The following NXPH1 variants were observed in gnomAD, a reference collection of about 807,000 sequenced individuals.
NXPH1 encodes neurexophilin 1.
NXPH1 carries 5 observed loss-of-function variants against 23.7 expected under a neutral mutation model. The ratio of observed to expected loss-of-function variants is 0.21; its 90% CI spans 0.11 to 0.44. NXPH1 has a LOEUF of 0.44. NXPH1 is among the 20% of genes least tolerant of loss of function. NXPH1 has a pLI of 0.99. For missense variants in NXPH1, 324 were observed against 321.6 expected, an observed-to-expected ratio of 1.01 and a Z score of -0.06; for synonymous variants, 144 against 122.2, an observed-to-expected ratio of 1.18 and a Z score of -1.18.
At chr7:8,443,053 G>A (rs779677781) in intron 2 of NXPH1, among the ~76,000 whole-genome samples, 22 of 152,228 alleles carry the variant, frequency 1.4e-4, no homozygotes, top group Non-Finnish European at 2.2e-4. Flanking sequence ...TGCCGCTCCG[G>A]CTGGGTCCTT....
intron 2 of NXPH1, among the ~76,000 whole-genome samples, chr7:8,732,747 G>T (rs1039363936): frequency 6.6e-6 from 1 of 151,808 alleles, no homozygotes; most frequent in Non-Finnish European, 1.5e-5. Flanking sequence ...TTTTTTTCTG[G>T]GTTATTGTCT....
intron 2 of NXPH1, among the ~76,000 whole-genome samples, chr7:8,679,463 T>C (rs890507930): frequency 6.6e-6 from 1 of 152,190 alleles, no homozygotes; most frequent in African/African-American, 2.4e-5. Context: ...TTAATTAATG[T>C]AACATGTTTA....
chr7:8,737,694 G>A (rs191870120), intron 2 of NXPH1, among the ~76,000 whole-genome samples: 30 of 152,244 alleles, frequency 2.0e-4, no homozygotes, highest in Middle Eastern at 3.4e-3. Flanking sequence ...GCTAGATTGG[G>A]GAAGTTCTCC....
At chr7:8,593,343 C>T (rs373703958) in intron 2 of NXPH1, among the ~76,000 whole-genome samples, 2 of 151,882 alleles carry the variant, frequency 1.3e-5, no homozygotes, top group East Asian at 3.9e-4. Context: ...CCTAATTTAG[C>T]TTTTTAAAGC....
At chr7:8,536,171 C>T (rs973287349) in intron 2 of NXPH1, among the ~76,000 whole-genome samples, 6 of 152,038 alleles carry the variant, frequency 3.9e-5, no homozygotes, top group Non-Finnish European at 7.4e-5. Flanking sequence ...CATTTTCTTT[C>T]TTCTATCCTT....
rs138088562 is a variant in NXPH1, at chr7:8,744,998, C to T, written c.55-6010C>T. ...ATCTACTCAGCGATTCTTCTAGAGC[C>T]AGGATGACCTACTTAAAAAGAAAAC... On this transcript the variant is annotated intron_variant, in intron 2 of 2. Transcript: ENST00000405863. Among the ~76,000 whole-genome samples, 189 of 152,280 alleles carry T rather than the reference C, an allele frequency of 1.2e-3. 5 individuals carry two copies. In the East Asian group the frequency reaches 0.034, roughly 28 times the overall value.
rs533645784 is a variant in NXPH1 at position 8,507,197 on chromosome 7, G to A, written c.54+71430G>A. Among the ~76,000 whole-genome samples the A allele has an allele frequency of 1.4e-4, 22 of 151,774 alleles. 1 individual carries two copies. In the South Asian group the frequency reaches 4.6e-3, roughly 31 times the overall value. On this transcript the variant is annotated intron_variant, in intron 2 of 2. Transcript: ENST00000405863. ...ATGGGTTATATTTGGGGGTGGCGTG[G>A]GGAGAAGGAAGTGTCTGAATGACTA...
chr7:8,489,323 T>A (rs767636705), intron 2 of NXPH1, among the ~76,000 whole-genome samples: 4 of 152,084 alleles, frequency 2.6e-5, no homozygotes, highest in Non-Finnish European at 5.9e-5. Flanking sequence ...CATAGCACCA[T>A]TGAGTTATCT....
chr7:8,618,215 G>T (rs1032735495), intron 2 of NXPH1, among the ~76,000 whole-genome samples: 6 of 152,010 alleles, frequency 3.9e-5, no homozygotes, highest in African/African-American at 1.4e-4. Flanking sequence ...TATGATCTGG[G>T]CATTTTGGGA....
chr7:8,741,843 C>A (rs1235906280), intron 2 of NXPH1, among the ~76,000 whole-genome samples: 3 of 152,044 alleles, frequency 2.0e-5, no homozygotes, highest in African/African-American at 7.2e-5. Context: ...ATGAACCATA[C>A]AGGTAATTTA....
chr7:8,585,757 C>G (rs1024076349), intron 2 of NXPH1, among the ~76,000 whole-genome samples: 2 of 152,190 alleles, frequency 1.3e-5, no homozygotes, highest in Admixed American at 6.5e-5. Context: ...GTGCTACTCT[C>G]TTAAGTGATT....
intron 2 of NXPH1, among the ~76,000 whole-genome samples, chr7:8,725,988 C>G (rs536995734): frequency 6.6e-6 from 1 of 152,276 alleles, no homozygotes; most frequent in African/African-American, 2.4e-5. Context: ...ATTTATATAA[C>G]GCTTCCTTCT....
At chr7:8,618,450 G>T (rs1414270969) in intron 2 of NXPH1, among the ~76,000 whole-genome samples, 1 of 152,094 alleles carries the variant, frequency 6.6e-6, no homozygotes, top group Non-Finnish European at 1.5e-5. Flanking sequence ...TGAGCGTAAA[G>T]GTAATTAAAT....
chr7:8,479,311 A>C (rs1351439522), intron 2 of NXPH1, among the ~76,000 whole-genome samples: 1 of 152,146 alleles, frequency 6.6e-6, no homozygotes, highest in Non-Finnish European at 1.5e-5. Flanking sequence ...ATTCTTAGAC[A>C]GTTATGTAAC....
chr7:8,695,876 G>A (rs1821301001), intron 2 of NXPH1, among the ~76,000 whole-genome samples: 1 of 152,154 alleles, frequency 6.6e-6, no homozygotes, highest in Non-Finnish European at 1.5e-5. Flanking sequence ...CTGTGCCCCA[G>A]TGAATGTTCA....
In NXPH1 at chr7:8,626,418, C is replaced by T. The variant is rs117812021; in HGVS notation, c.55-124590C>T. ...TTTTTTTGGCAACTTCAAATACTTA[C>T]CTTACTCCAGATCTAACTTTCTGCT... On this transcript the variant is annotated intron_variant, in intron 2 of 2. Coordinates refer to ENST00000405863, the MANE Select transcript of NXPH1 (RefSeq NM_152745.3). Among the ~76,000 whole-genome samples the T allele has an allele frequency of 1.6e-3, 236 of 150,266 alleles. 3 individuals carry two copies. Among genetic ancestry groups the T allele is most frequent in the Non-Finnish European group, 1.9e-3 (128 of 67,720 alleles).
intron 2 of NXPH1, among the ~76,000 whole-genome samples, chr7:8,685,746 A>T (rs1430703396): frequency 6.6e-6 from 1 of 151,942 alleles, no homozygotes; most frequent in Non-Finnish European, 1.5e-5. Context: ...CGATATAGAG[A>T]GTACAAGGAA....
chr7:8,461,093 T>C (rs911505622), intron 2 of NXPH1, among the ~76,000 whole-genome samples: 2 of 152,198 alleles, frequency 1.3e-5, no homozygotes, highest in African/African-American at 4.8e-5. Flanking sequence ...GTTATGAAAA[T>C]ACACAAAGAT....
At chr7:8,531,224 A>G (rs1351098924) in intron 2 of NXPH1, among the ~76,000 whole-genome samples, 1 of 152,076 alleles carries the variant, frequency 6.6e-6, no homozygotes, top group Non-Finnish European at 1.5e-5. Context: ...ATGAGCTATT[A>G]TTTTTCCAGC....
Sources: allele counts gnomAD v4.1 joint callset (sites outside exome capture counted in the v4.1 genomes callset), GRCh38; gene constraint gnomAD v4.1.1; transcripts MANE v1.5; gene names NCBI Gene and HGNC (gene_info 2026-07-23, HGNC 2026-07-21).